NLRC5: variants seen among roughly 807,000 people sequenced by gnomAD.
NLRC5 encodes the protein protein NLRC5.
Under a neutral mutation model 206.9 loss-of-function variants are expected in NLRC5, and 114 were observed. That is an observed-to-expected ratio of 0.55 (90% CI 0.47 to 0.64). The LOEUF (loss-of-function observed/expected upper bound fraction) is 0.64, where lower values mean the gene tolerates loss of function less well. Among genes scored for constraint, NLRC5 ranks in the 30% least tolerant of loss-of-function variants. NLRC5 has a pLI of 0.00. For synonymous variants in NLRC5, 952 were observed against 962.8 expected (o/e 0.99, Z 0.21); for missense variants, 2,008 against 2,305.5 (o/e 0.87, Z 2.64).
At chr16:57,024,742 G>T (rs2061085457) in intron 5 of NLRC5, among the ~76,000 whole-genome samples, 1 of 152,198 alleles carries the variant, frequency 6.6e-6, no homozygotes, top group Non-Finnish European at 1.5e-5. Flanking sequence ...GGGCGCGGTG[G>T]CTCACACCTG....
At chr16:57,054,678 C>A (rs1001287494) in intron 24 of NLRC5, 73 bp from the exon 25 acceptor site, 3 of 1,060,476 alleles carry the variant, frequency 2.8e-6, no homozygotes, top group Non-Finnish European at 4.4e-6. Context: ...CCCACCCTCC[C>A]TTTCCTTACC....
At position 57,003,169 on chromosome 16, in the gene NLRC5, C is replaced by G. The variant is rs140638279; in HGVS notation, c.-128+13552C>G. ...CCGTCTCTTGGGTTCAAGCTATTCTCCCACCTCAGCCTGGGATTACAGGCG... is the reference window on the plus strand; with the variant it reads ...CCGTCTCTTGGGTTCAAGCTATTCTGCCACCTCAGCCTGGGATTACAGGCG... On this transcript the variant is annotated intron_variant, in intron 1 of 48. Transcript: ENST00000688547. Among the ~76,000 whole-genome samples, 296 of 152,248 alleles carry G rather than the reference C, an allele frequency of 1.9e-3. 8 individuals are homozygous for G. The East Asian group carries it at 0.049, about 25-fold the overall frequency.
rs1567549264 is a variant in NLRC5 at position 57,025,420 on chromosome 16, C to T, written c.477C>T (p.Tyr159=). The change falls in exon 6 of 49, where the codon TAC becomes TAT. Residue 159 remains tyrosine (Y), a synonymous_variant. Coordinates refer to ENST00000688547, the MANE Select transcript of NLRC5 (RefSeq NM_001384950.1). The stretch of plus-strand genomic sequence containing the variant: ...TGCGGACCTCTGCCCAGCAGCGCTA[C>T]AGGAGCCAAATCCCTGGGTCAGGGC... The part of the protein sequence containing the change: ...QLLRTSAQQR[Y]RSQIPGSGQP... 6.3e-7 allele frequency: 1 copy of T among 1,580,580 alleles called. No individual in the cohort carries two copies. Among genetic ancestry groups the T allele is most frequent in the South Asian group, 1.2e-5 (1 of 85,630 alleles).
chr16:57,076,919 G>T lies in NLRC5; in HGVS notation c.4835+17G>T. ...GGAGCTGGAGTGAGTTGCCCATTCT[G>T]CCCCCAGACCCAGGACAATTTTGGC... is the stretch of plus-strand genomic sequence containing the variant. On this transcript the variant is annotated intron_variant, in intron 40 of 48. Transcript: ENST00000688547. 1.9e-6 allele frequency: 3 copies of T among 1,611,842 alleles called. No homozygotes were observed. Among genetic ancestry groups the T allele is most frequent in the Non-Finnish European group, 2.5e-6 (3 of 1,178,464 alleles).
chr16:57,014,712 G>A (rs1408687612), intron 1 of NLRC5, among the ~76,000 whole-genome samples: 1 of 152,092 alleles, frequency 6.6e-6, no homozygotes, highest in Non-Finnish European at 1.5e-5. Flanking sequence ...GTCAGTTTGG[G>A]CTGTTATAAT....
At chr16:57,029,545 G>A (rs1444730508) in intron 8 of NLRC5, among the ~76,000 whole-genome samples, 3 of 152,154 alleles carry the variant, frequency 2.0e-5, no homozygotes, top group African/African-American at 2.4e-5. Flanking sequence ...CCCTTGAGCC[G>A]CCAGGCAAAA....
intron 1 of NLRC5, chr16:57,013,570 A>G: frequency 9.1e-7 from 1 of 1,093,994 alleles, no homozygotes; most frequent in Non-Finnish European, 1.4e-6. Context: ...GCAGAATTTT[A>G]AGTACCCAAA....
At position 57,063,199 on chromosome 16, in the gene NLRC5, A is replaced by G. The variant is rs565151498; in HGVS notation, c.4154+1498A>G. ...TCGATCTCAGCTCACTGCACCCTCCACCTCTTGGGTTCAAGCGATTCTCCT... is the reference window on the plus strand; with the variant it reads ...TCGATCTCAGCTCACTGCACCCTCCGCCTCTTGGGTTCAAGCGATTCTCCT... On this transcript the variant is annotated intron_variant, in intron 32 of 48. Coordinates refer to ENST00000688547, the MANE Select transcript of NLRC5 (RefSeq NM_001384950.1). Among the ~76,000 whole-genome samples, 17 of 128,792 alleles carry G rather than the reference A, an allele frequency of 1.3e-4. No individual in the cohort carries two copies. In the East Asian group the frequency reaches 3.9e-3, roughly 30 times the overall value. 84.5% of individuals were successfully genotyped at this position (128,792 alleles called of 152,430 possible).
intron 5 of NLRC5, 110 bp downstream of exon 5, chr16:57,023,963 A>G: frequency 1.0e-6 from 1 of 981,934 alleles, no homozygotes; most frequent in East Asian, 2.7e-5. Context: ...AGGCCCAGTG[A>G]CTCTTGTCTC....
At chr16:57,065,471 G>C (rs1017551638) in intron 33 of NLRC5, among the ~76,000 whole-genome samples, 173 bp downstream of exon 33, 18 of 152,140 alleles carry the variant, frequency 1.2e-4, no homozygotes, top group Non-Finnish European at 1.5e-5. Context: ...CATTTGTTGG[G>C]ACTAGTGCAG....
At chr16:57,064,616 C>A (rs1303990387) in intron 32 of NLRC5, among the ~76,000 whole-genome samples, 3 of 152,084 alleles carry the variant, frequency 2.0e-5, no homozygotes, top group Non-Finnish European at 4.4e-5. Flanking sequence ...TTATGTGAAT[C>A]TTTTCTTAAA....
intron 1 of NLRC5, among the ~76,000 whole-genome samples, chr16:57,006,097 C>T (rs2142436465): frequency 6.6e-6 from 1 of 151,560 alleles, no homozygotes; most frequent in Admixed American, 6.6e-5. Flanking sequence ...CCCCCAGGCT[C>T]AAGCAATCCT....
intron 22 of NLRC5, among the ~76,000 whole-genome samples, chr16:57,047,210 G>A (rs1466312194): frequency 1.3e-5 from 2 of 152,182 alleles, no homozygotes; most frequent in Admixed American, 6.5e-5. Flanking sequence ...GGGCAGAGAG[G>A]GATTAAAGGG....
Position 57,074,684 on chromosome 16 carries a change from G to T in NLRC5, c.4751+1G>T. On this transcript the variant is annotated splice_donor_variant, in intron 39 of 48. Coordinates refer to ENST00000688547, the MANE Select transcript of NLRC5 (RefSeq NM_001384950.1). LOFTEE classifies it high-confidence loss of function. ...AGATGACCTGCCTGCAGAGCCTCAG[G>T]TGAGTGACCGAGCGGCCCCATGGGA... 2 of 1,613,608 alleles carry T rather than the reference G, an allele frequency of 1.2e-6. No homozygotes were observed. The highest frequency in any genetic ancestry group is 1.7e-6 in the Non-Finnish European group (2 of 1,179,602).
At chr16:57,081,394 T>C (rs1408280263) in intron 47 of NLRC5, 133 bp from the exon 48 acceptor site, 3 of 958,470 alleles carry the variant, frequency 3.1e-6, no homozygotes, top group Non-Finnish European at 4.8e-6. Context: ...CTGTTGTCTT[T>C]TGGGTTCCCT....
In NLRC5 at chr16:57,023,770, C is replaced by T; in HGVS notation, c.356-15C>T. The T allele has an allele frequency of 6.2e-7, 1 of 1,607,620 alleles. No individual in the cohort carries two copies. Among genetic ancestry groups the T allele is most frequent in the Non-Finnish European group, 8.5e-7 (1 of 1,176,402 alleles). ...CCCAGACCCCACTCCTCCACCCCTTCCTTTGCTTTTTCAGGCCTGAAGCGC... is the reference window on the plus strand; with the variant it reads ...CCCAGACCCCACTCCTCCACCCCTTTCTTTGCTTTTTCAGGCCTGAAGCGC... On this transcript the variant is annotated splice_polypyrimidine_tract_variant and intron_variant, in intron 4 of 48. Coordinates refer to ENST00000688547, the MANE Select transcript of NLRC5 (RefSeq NM_001384950.1).
Position 57,054,700 on chromosome 16 carries a change from C to T in NLRC5, c.3507-51C>T, listed in dbSNP as rs199475998. On this transcript the variant is annotated intron_variant, in intron 24 of 48. Coordinates refer to ENST00000688547, the MANE Select transcript of NLRC5 (RefSeq NM_001384950.1). Reference sequence around the variant, plus strand: ...TCCCTTTCCTTACCCTCCAGGCTAGCCAGGTTCCTTGTCCACTCATCTTGC... The same window carrying T: ...TCCCTTTCCTTACCCTCCAGGCTAGTCAGGTTCCTTGTCCACTCATCTTGC... 3.1e-5 allele frequency: 42 copies of T among 1,356,324 alleles called. No individual in the cohort carries two copies. The East Asian group carries it at 9.5e-4, about 31-fold the overall frequency. The allele number at this position is 1,356,324 out of a possible 1,614,324, so 84.0% of individuals were successfully genotyped here. A position where few individuals can be genotyped will look rare whatever the true frequency, so the allele number is the denominator to read the frequency against.
chr16:57,050,259 C>T (rs1342137015), intron 23 of NLRC5, among the ~76,000 whole-genome samples: 1 of 152,166 alleles, frequency 6.6e-6, no homozygotes, highest in African/African-American at 2.4e-5. Flanking sequence ...GGGGCCCATG[C>T]CCAGTCCCTG....
At chr16:57,013,204 G>A (rs746882122) in intron 1 of NLRC5, 2 of 443,012 alleles carry the variant, frequency 4.5e-6, no homozygotes, top group Non-Finnish European at 8.6e-6. Flanking sequence ...CTTCATTAAA[G>A]GTTGCGAACA....
Sources: allele counts gnomAD v4.1 joint callset (sites outside exome capture counted in the v4.1 genomes callset), GRCh38; gene constraint gnomAD v4.1.1; transcripts MANE v1.5; gene names NCBI Gene and HGNC (gene_info 2026-07-23, HGNC 2026-07-21).